PCDHGA2: variants seen among roughly 807,000 people sequenced by gnomAD.
PCDHGA2 encodes protocadherin gamma subfamily A, 2, also known as protocadherin gamma-A2.
PCDHGA2 carries 40 observed loss-of-function variants against 59.2 expected under a neutral mutation model. That is an observed-to-expected ratio of 0.68 (90% confidence interval 0.52 to 0.88). The LOEUF (loss-of-function observed/expected upper bound fraction) is 0.88, where lower values mean the gene tolerates loss of function less well. PCDHGA2 is among the 40% of genes least tolerant of loss of function. PCDHGA2 has a pLI of 0.00. For synonymous variants in PCDHGA2, 560 were observed against 526.0 expected (o/e 1.06, Z -0.89); for missense variants, 1,226 against 1,204.0 (o/e 1.02, Z -0.27).
At chr5:141,415,024 G>C in intron 1 of PCDHGA2, 1 of 1,613,568 alleles carries the variant, frequency 6.2e-7, no homozygotes, top group Non-Finnish European at 8.5e-7. Flanking sequence ...CAAGGCCAGC[G>C]AGCCGGGACT....
intron 1 of PCDHGA2, chr5:141,352,172 C>T (rs777128757): frequency 1.2e-6 from 2 of 1,613,514 alleles, no homozygotes; most frequent in African/African-American, 1.3e-5. Flanking sequence ...CCGCCAGCGC[C>T]TGCTGGTCGC....
rs755830997 is a variant in PCDHGA2 at position 141,339,490 on chromosome 5, C to T, written c.519C>T (p.Asn173=). 4.3e-6 allele frequency: 7 copies of T among 1,614,196 alleles called. No individual in the cohort carries two copies. The South Asian group carries it at 7.7e-5, about 18-fold the overall frequency. Residue 173 remains asparagine (N), a synonymous_variant, in exon 1 of 4, where the codon AAC becomes AAT. Transcript: ENST00000394576. ...ACGCCCTTCAGAAGTACGCACTCAA[C>T]CCAAATGACCACTTCTCCCTGGACG... ...GENALQKYAL[N]PNDHFSLDVR...
chr5:141,441,861 C>T (rs3805696), intron 1 of PCDHGA2: 35,405 of 342,650 alleles, frequency 0.1, 2,215 homozygotes, highest in African/African-American at 0.17. Context: ...TGCTGCACGC[C>T]GCGGAGCCTG....
chr5:141,406,375 T>C (rs1427638211), intron 1 of PCDHGA2, among the ~76,000 whole-genome samples: 1 of 152,186 alleles, frequency 6.6e-6, no homozygotes, highest in Non-Finnish European at 1.5e-5. Flanking sequence ...GGTAAACTGA[T>C]AAAAAGGTAA....
Position 141,490,121 on chromosome 5 carries a change from G to A in PCDHGA2, c.2425-4686G>A. On this transcript the variant is annotated intron_variant, in intron 1 of 3. Coordinates refer to ENST00000394576, the MANE Select transcript of PCDHGA2 (RefSeq NM_018915.4). The surrounding 1 kb of genome is among the most constrained non-coding windows in gnomAD (Gnocchi z 5.4). Reference sequence around the variant, plus strand: ...TCTGAGGCAGTGCGGAACCTCTTTGGCCTAGACCCTAGCAGTGGGGCAATC... The same window carrying A: ...TCTGAGGCAGTGCGGAACCTCTTTGACCTAGACCCTAGCAGTGGGGCAATC... 1 of 1,614,256 alleles carries A rather than the reference G, an allele frequency of 6.2e-7. No individual in the cohort carries two copies. Among genetic ancestry groups the A allele is most frequent in the Non-Finnish European group, 8.5e-7 (1 of 1,180,052 alleles).
rs778766941 is a variant in PCDHGA2, at chr5:141,357,128, T to C, written c.2424+15733T>C. 7.4e-6 allele frequency: 12 copies of C among 1,613,574 alleles called. No homozygotes were observed. The highest frequency in any genetic ancestry group is 3.3e-5 in the Admixed American group (2 of 60,028). On this transcript the variant is annotated intron_variant, in intron 1 of 3. Coordinates refer to ENST00000394576, the MANE Select transcript of PCDHGA2 (RefSeq NM_018915.4). ...AGAGACGCGCTCAAGCAGAGGCTTG[T>C]AGTGGTCGTCCAGGACCATGGCCAG... is the stretch of plus-strand genomic sequence containing the variant.
rs769652961 is a variant in PCDHGA2, at chr5:141,489,435, A to G, written c.2425-5372A>G. ...CAGATCTGTTGAGCCGGCGGCTGCAATTGGGCTCTGAGGAGAATGGGCGCT... is the reference window on the plus strand; with the variant it reads ...CAGATCTGTTGAGCCGGCGGCTGCAGTTGGGCTCTGAGGAGAATGGGCGCT... On this transcript the variant is annotated intron_variant, in intron 1 of 3. Coordinates refer to ENST00000394576, the MANE Select transcript of PCDHGA2 (RefSeq NM_018915.4). This position sits in a 1 kb window ranked among gnomAD's most constrained non-coding sequence, Gnocchi z 4.5. 2 of 1,614,138 alleles carry G rather than the reference A, an allele frequency of 1.2e-6. No homozygotes were observed. The highest frequency in any genetic ancestry group is 1.7e-6 in the Non-Finnish European group (2 of 1,180,024).
At chr5:141,414,358 C>T (rs1414747968) in intron 1 of PCDHGA2, 1 of 1,613,818 alleles carries the variant, frequency 6.2e-7, no homozygotes, top group Non-Finnish European at 8.5e-7. Context: ...GGCGTATCTA[C>T]CATTTAAATT....
rs1390441638 is a variant in PCDHGA2, at chr5:141,432,562, C to T, written c.2425-62245C>T. 1.9e-6 allele frequency: 3 copies of T among 1,613,964 alleles called. No individual in the cohort carries two copies. Among genetic ancestry groups the T allele is most frequent in the Non-Finnish European group, 2.5e-6 (3 of 1,180,004 alleles). On this transcript the variant is annotated intron_variant, in intron 1 of 3. Coordinates refer to ENST00000394576, the MANE Select transcript of PCDHGA2 (RefSeq NM_018915.4). This position sits in a 1 kb window ranked among gnomAD's most constrained non-coding sequence, Gnocchi z 6.0. ...CGGTGGACAGAGACTCCGGCCAGAA[C>T]GCCTGGCTGTCCTACCGTCTGCTCA...
rs74488479 is a variant in PCDHGA2, at chr5:141,361,383, A to G, written c.2424+19988A>G. 3.5e-3 allele frequency: 5,633 copies of G among 1,614,024 alleles called. 147 individuals carry two copies. In the East Asian group the frequency reaches 0.073, roughly 21 times the overall value. ...GCGCTCTGGACCGGGAGGAGATCCC[A>G]GAATACAATCTCACCATCACAGCCA... is the stretch of plus-strand genomic sequence containing the variant. On this transcript the variant is annotated intron_variant, in intron 1 of 3. Transcript: ENST00000394576.
At chr5:141,459,714 T>C (rs1240430980) in intron 1 of PCDHGA2, among the ~76,000 whole-genome samples, 4 of 152,244 alleles carry the variant, frequency 2.6e-5, no homozygotes, top group Admixed American at 6.5e-5. Flanking sequence ...TTCTCACCAA[T>C]GCTTCCTATT....
chr5:141,457,480 G>A lies in PCDHGA2; in HGVS notation c.2425-37327G>A, dbSNP rs566798464. ...GATTCACAGGAATAAGCAGGGCCAGGGTTAGTCTAAAATGTAGGCAAAAAG... is the reference window on the plus strand; with the variant it reads ...GATTCACAGGAATAAGCAGGGCCAGAGTTAGTCTAAAATGTAGGCAAAAAG... On this transcript the variant is annotated intron_variant, in intron 1 of 3. Transcript: ENST00000394576. 2.0e-5 allele frequency among the ~76,000 whole-genome samples: 3 copies of A among 152,266 alleles called. No individual in the cohort carries two copies. In the South Asian group the frequency reaches 6.2e-4, roughly 32 times the overall value.
At chr5:141,399,048 G>T (rs779434482) in intron 1 of PCDHGA2, 1 of 1,613,830 alleles carries the variant, frequency 6.2e-7, no homozygotes, top group East Asian at 2.2e-5. Context: ...ATTTTGAAGA[G>T]ACCAAGGAAT....
chr5:141,497,689 A>G (rs951295378), intron 2 of PCDHGA2, among the ~76,000 whole-genome samples: 1 of 151,958 alleles, frequency 6.6e-6, no homozygotes, highest in African/African-American at 2.4e-5. Flanking sequence ...GCAGGTGTGC[A>G]CCACCACACC....
chr5:141,350,333 G>C, intron 1 of PCDHGA2: 1 of 1,537,748 alleles, frequency 6.5e-7, no homozygotes, highest in Non-Finnish European at 8.7e-7. Flanking sequence ...TTTGTTCTGC[G>C]GGGCCATCTC....
intron 1 of PCDHGA2, chr5:141,356,283 C>T: frequency 1.3e-6 from 2 of 1,557,262 alleles, no homozygotes; most frequent in Non-Finnish European, 1.7e-6. Flanking sequence ...AATCTTCTTC[C>T]CCGGGTACAG....
chr5:141,471,206 T>C (rs113465424), intron 1 of PCDHGA2: 16,891 of 151,686 alleles, frequency 0.11, 970 homozygotes, highest in South Asian at 0.15. Context: ...CCCACCCCCA[T>C]GCCTGGCAAT....
chr5:141,465,430 C>T (rs1212434943), intron 1 of PCDHGA2, among the ~76,000 whole-genome samples: 2 of 152,150 alleles, frequency 1.3e-5, no homozygotes, highest in Non-Finnish European at 2.9e-5. Context: ...AAGGTGGGCA[C>T]TTAATGATTA....
chr5:141,360,084 T>A (rs1761414694), intron 1 of PCDHGA2: 1 of 1,492,590 alleles, frequency 6.7e-7, no homozygotes, highest in South Asian at 1.4e-5. Context: ...GATTCTGCCA[T>A]CCCCGGAAGG....
Sources: allele counts gnomAD v4.1 joint callset (sites outside exome capture counted in the v4.1 genomes callset), GRCh38; gene constraint gnomAD v4.1.1; non-coding constraint Gnocchi (gnomAD v3.1); transcripts MANE v1.5; gene names NCBI Gene and HGNC (gene_info 2026-07-23, HGNC 2026-07-21).